The following ALDH1L1 variants were observed in gnomAD, a reference collection of about 807,000 sequenced individuals.
ALDH1L1 encodes cytosolic 10-formyltetrahydrofolate dehydrogenase.
In ALDH1L1, 68 loss-of-function variants were observed where a neutral mutation model predicts 101.1. The observed-to-expected ratio is 0.67, with a 90% CI of 0.55 to 0.82. ALDH1L1 has a LOEUF of 0.82. Ranked by LOEUF, ALDH1L1 falls within the 40% of genes least tolerant of loss-of-function variation. The probability of loss-of-function intolerance (pLI) is 0.00; values close to 1 mark genes in which losing one functional copy is unlikely to be tolerated. For missense variants in ALDH1L1, 1,087 were observed against 1,172.7 expected (o/e 0.93, Z 1.07); for synonymous variants, 486 against 470.8 (o/e 1.03, Z -0.42).
intron 21 of ALDH1L1, among the ~76,000 whole-genome samples, 179 bp downstream of exon 21, chr3:126,106,962 G>A (rs562798894): frequency 8.5e-5 from 13 of 152,334 alleles, no homozygotes; most frequent in Middle Eastern, 3.4e-3. Flanking sequence ...CAGGTCACTG[G>A]GCTCTCTTCT....
upstream of ALDH1L1, among the ~76,000 whole-genome samples, chr3:126,182,658 G>A (rs1019173786): frequency 6.6e-6 from 1 of 152,140 alleles, no homozygotes; most frequent in Non-Finnish European, 1.5e-5. Flanking sequence ...GAACTTGGGA[G>A]TTAAAATTGA....
intron 18 of ALDH1L1, 98 bp from the exon 19 acceptor site, chr3:126,112,978 A>C: frequency 1.9e-6 from 2 of 1,076,154 alleles, no homozygotes; most frequent in Non-Finnish European, 2.8e-6. Context: ...TTAGGAAAGG[A>C]GGCACCCATG....
chr3:126,189,809 G>T (rs1039026567), intron 1 of ALDH1L1, among the ~76,000 whole-genome samples: 1 of 152,304 alleles, frequency 6.6e-6, no homozygotes, highest in Admixed American at 6.5e-5. Flanking sequence ...ACTACATAAA[G>T]GTTCAGTCTA....
chr3:126,127,083 C>T (rs193022556), intron 14 of ALDH1L1, among the ~76,000 whole-genome samples: 3 of 152,190 alleles, frequency 2.0e-5, no homozygotes, highest in African/African-American at 7.2e-5. Flanking sequence ...CTCAGATTTC[C>T]AGCTCCCAGA....
At chr3:126,170,870 G>C (rs568714166) in intron 1 of ALDH1L1, among the ~76,000 whole-genome samples, 2 of 152,190 alleles carry the variant, frequency 1.3e-5, no homozygotes, top group Non-Finnish European at 2.9e-5. Context: ...GACACAAAGG[G>C]AGGTGGGGGG....
intron 20 of ALDH1L1, 126 bp from the exon 21 acceptor site, chr3:126,107,372 G>T: frequency 1.4e-6 from 1 of 706,688 alleles, no homozygotes; most frequent in Non-Finnish European, 2.5e-6. Context: ...CCGGGTCACG[G>T]CACCCGTGTG....
At chr3:126,119,364 T>G (rs1045840171) in intron 16 of ALDH1L1, among the ~76,000 whole-genome samples, 8 of 152,246 alleles carry the variant, frequency 5.3e-5, no homozygotes, top group African/African-American at 1.7e-4. Flanking sequence ...ATCGTTCACC[T>G]AGACCTGCTC....
At chr3:126,157,797 A>C (rs2080945997) in intron 3 of ALDH1L1, among the ~76,000 whole-genome samples, 1 of 152,154 alleles carries the variant, frequency 6.6e-6, no homozygotes, top group Non-Finnish European at 1.5e-5. Flanking sequence ...AGAAAAGTGA[A>C]GCGACACCCA....
At chr3:126,150,624 G>C (rs958932876) in intron 7 of ALDH1L1, 93 bp from the exon 8 acceptor site, 4 of 1,413,082 alleles carry the variant, frequency 2.8e-6, no homozygotes, top group Non-Finnish European at 3.8e-6. Flanking sequence ...GTGCGATCTC[G>C]GCTCACTACA....
In ALDH1L1 at chr3:126,125,424, T is replaced by C. The variant is rs9829657; in HGVS notation, c.1800+192A>G. ...AGCCATGGCTGAAAAAGAGTCTGCT[T>C]TGGAGAGCTCTGCCTGCCACATACG... On this transcript the variant is annotated intron_variant, in intron 15 of 22. Transcript: ENST00000393434. 5.9e-3 allele frequency among the ~76,000 whole-genome samples: 898 copies of C among 152,296 alleles called. 3 individuals carry two copies. The highest frequency in any genetic ancestry group is 0.01 in the Non-Finnish European group (688 of 68,020).
intron 1 of ALDH1L1, among the ~76,000 whole-genome samples, chr3:126,186,958 G>A (rs1053143250): frequency 1.3e-5 from 2 of 152,144 alleles, no homozygotes; most frequent in East Asian, 1.9e-4. Flanking sequence ...CTGCACGGAC[G>A]CTGGGAGGGC....
At chr3:126,150,159 G>T (rs2108278218) in intron 8 of ALDH1L1, among the ~76,000 whole-genome samples, 1 of 152,342 alleles carries the variant, frequency 6.6e-6, no homozygotes, top group South Asian at 2.1e-4. Context: ...CTTATTAAGT[G>T]TTGACAATGA....
At chr3:126,130,970 T>C (rs534806651) in intron 13 of ALDH1L1, among the ~76,000 whole-genome samples, 2 of 152,292 alleles carry the variant, frequency 1.3e-5, no homozygotes, top group South Asian at 4.1e-4. Context: ...CAGAAGACAG[T>C]GTCACAGGGA....
In ALDH1L1 at chr3:126,173,033, G is replaced by A. The variant is rs138365856; in HGVS notation, c.-24+7443C>T. ...AGTAAAATTGTCCTTCAAAAGTGGA[G>A]GAGAAAGACTTCTCAAACAAAAATT... On this transcript the variant is annotated intron_variant, in intron 1 of 22. Coordinates refer to ENST00000393434, the MANE Select transcript of ALDH1L1 (RefSeq NM_012190.4). Among the ~76,000 whole-genome samples, 322 of 152,176 alleles carry A rather than the reference G, an allele frequency of 2.1e-3. 1 individual carries two copies. Among genetic ancestry groups the A allele is most frequent in the African/African-American group, 6.5e-3 (270 of 41,502 alleles).
At chr3:126,135,689 G>A in intron 11 of ALDH1L1, 27 bp from the exon 12 acceptor site, 2 of 1,500,750 alleles carry the variant, frequency 1.3e-6, no homozygotes, top group Non-Finnish European at 1.8e-6. Context: ...GCCATGACAA[G>A]TTCTCCCTAA....
In ALDH1L1 at chr3:126,114,549, GC is replaced by G. The variant is rs1946176425; in HGVS notation, c.2082+7del. The G allele has an allele frequency of 1.3e-6, 2 of 1,490,306 alleles. No homozygotes were observed. The highest frequency in any genetic ancestry group is 1.8e-6 in the Non-Finnish European group (2 of 1,119,878). The allele number at this position is 1,490,306 out of a possible 1,614,324, so 92.3% of individuals were successfully genotyped here. On this transcript the variant is annotated splice_region_variant and intron_variant, in intron 18 of 22. Transcript: ENST00000393434. Reference sequence around the variant, plus strand: ...ACTGTCCCTGCCCCCTCCAGGCCCGGCCCTCACCATCTGCACAGCCTTGTTG... The same window carrying G: ...ACTGTCCCTGCCCCCTCCAGGCCCGGCCTCACCATCTGCACAGCCTTGTTG...
At chr3:126,154,864 T>C (rs2080874350) in intron 5 of ALDH1L1, among the ~76,000 whole-genome samples, 1 of 152,156 alleles carries the variant, frequency 6.6e-6, no homozygotes, top group African/African-American at 2.4e-5. Context: ...TTGGGGAAGA[T>C]AATGTTCTGT....
At chr3:126,189,351 C>A (rs1470344783) in intron 1 of ALDH1L1, among the ~76,000 whole-genome samples, 2 of 152,196 alleles carry the variant, frequency 1.3e-5, no homozygotes, top group Non-Finnish European at 2.9e-5. Context: ...TTAGTTCCCA[C>A]GTATTGGGAA....
intron 1 of ALDH1L1, among the ~76,000 whole-genome samples, chr3:126,161,567 G>A (rs2081052172): frequency 6.6e-6 from 1 of 152,224 alleles, no homozygotes; most frequent in Non-Finnish European, 1.5e-5. Flanking sequence ...AGTGGAATGG[G>A]ATTCCACTAA....
Sources: allele counts gnomAD v4.1 joint callset (sites outside exome capture counted in the v4.1 genomes callset), GRCh38; gene constraint gnomAD v4.1.1; transcripts MANE v1.5; gene names NCBI Gene and HGNC (gene_info 2026-07-23, HGNC 2026-07-21).